The following STPG2 variants were observed in gnomAD, a reference collection of about 807,000 sequenced individuals.
STPG2 encodes the protein sperm tail PG-rich repeat containing 2, also known as sperm-tail PG-rich repeat-containing protein 2.
Under a neutral mutation model 54.2 loss-of-function variants are expected in STPG2, and 56 were observed. The ratio of observed to expected loss-of-function variants is 1.03; its 90% confidence interval spans 0.83 to 1.29. STPG2 has a LOEUF of 1.29. STPG2 is among the 50% of genes most tolerant of loss of function. The pLI is 0.00. For synonymous variants in STPG2, 200 were observed against 181.8 expected, an observed-to-expected ratio of 1.10 and a Z score of -0.81; for missense variants, 596 against 544.9, an observed-to-expected ratio of 1.09 and a Z score of -0.93.
At chr4:98,011,072 C>T (rs1204152855) in intron 5 of STPG2, among the ~76,000 whole-genome samples, 2 of 151,972 alleles carry the variant, frequency 1.3e-5, no homozygotes, top group Non-Finnish European at 2.9e-5. Flanking sequence ...TAAAGCCCCA[C>T]ATGCATTAGC....
At chr4:98,084,062 C>A (rs1487354477) in intron 5 of STPG2, among the ~76,000 whole-genome samples, 1 of 152,082 alleles carries the variant, frequency 6.6e-6, no homozygotes, top group Non-Finnish European at 1.5e-5. Context: ...GAGGCCAGGT[C>A]TTGAACTCCT....
chr4:97,577,272 G>A (rs1158581429), intron 10 of STPG2, among the ~76,000 whole-genome samples: 2 of 152,114 alleles, frequency 1.3e-5, no homozygotes, highest in East Asian at 3.8e-4. Flanking sequence ...ATAATTCTAT[G>A]AAAAGGACAC....
At chr4:97,863,196 C>T (rs1729626298) in intron 8 of STPG2, among the ~76,000 whole-genome samples, 1 of 152,086 alleles carries the variant, frequency 6.6e-6, no homozygotes, top group Non-Finnish European at 1.5e-5. Flanking sequence ...TGATAGACCG[C>T]TAGCAAGACT....
At chr4:97,459,451 T>C (rs1231159638) in intron 4 of STPG2, among the ~76,000 whole-genome samples, 4 of 149,344 alleles carry the variant, frequency 2.7e-5, no homozygotes, top group Non-Finnish European at 5.9e-5. Context: ...TTTTTTTTTT[T>C]TTTTTTGAGA....
intron 5 of STPG2, among the ~76,000 whole-genome samples, chr4:98,092,140 A>G (rs783946): frequency 0.86 from 130,701 of 152,034 alleles, 56,322 homozygotes; most frequent in Middle Eastern, 0.97. Flanking sequence ...ATAACTAAAT[A>G]TTTTCAATCT....
intron 9 of STPG2, among the ~76,000 whole-genome samples, chr4:97,742,559 G>A (rs113662605): frequency 0.43 from 57,275 of 132,388 alleles, 12,399 homozygotes; most frequent in Middle Eastern, 0.47. Context: ...GTGTGTGTGT[G>A]TGTGTGTCTA....
At chr4:97,940,779 T>A (rs1248996546) in intron 8 of STPG2, among the ~76,000 whole-genome samples, 1 of 152,162 alleles carries the variant, frequency 6.6e-6, no homozygotes, top group Non-Finnish European at 1.5e-5. Context: ...CAGAGCCAAG[T>A]AGTGTGGCCA....
At chr4:97,916,703 T>A (rs1246371958) in intron 8 of STPG2, 1 of 153,028 alleles carries the variant, frequency 6.5e-6, no homozygotes, top group Admixed American at 6.5e-5. Flanking sequence ...GCCACATTCA[T>A]CCCACCCTTG....
intron 4 of STPG2, among the ~76,000 whole-genome samples, chr4:97,483,620 G>T (rs1043364469): frequency 2.6e-5 from 4 of 151,454 alleles, no homozygotes; most frequent in Admixed American, 6.6e-5. Context: ...CAACACAATA[G>T]TAGTGGGGGA....
intron 9 of STPG2, among the ~76,000 whole-genome samples, chr4:97,756,148 T>C (rs776764145): frequency 5.3e-5 from 8 of 152,180 alleles, no homozygotes; most frequent in Non-Finnish European, 1.2e-4. Flanking sequence ...CAAATTTTTC[T>C]ACTTGTTGAA....
At chr4:97,649,502 A>T (rs1189939313) in intron 10 of STPG2, among the ~76,000 whole-genome samples, 1 of 152,122 alleles carries the variant, frequency 6.6e-6, no homozygotes, top group East Asian at 1.9e-4. Flanking sequence ...GAGATATATT[A>T]TCAAAGTTGG....
At chr4:98,027,314 A>G (rs1287131449) in intron 5 of STPG2, among the ~76,000 whole-genome samples, 1 of 152,180 alleles carries the variant, frequency 6.6e-6, no homozygotes, top group Admixed American at 6.5e-5. Context: ...CTACCACAGT[A>G]AGCAGTCTAG....
At chr4:97,633,230 G>C (rs1158052789) in intron 10 of STPG2, among the ~76,000 whole-genome samples, 1 of 151,950 alleles carries the variant, frequency 6.6e-6, no homozygotes, top group East Asian at 1.9e-4. Flanking sequence ...GCTTCTAAGT[G>C]TCAAATACAA....
chr4:97,883,821 G>C (rs955140335), intron 8 of STPG2, among the ~76,000 whole-genome samples: 8 of 152,198 alleles, frequency 5.3e-5, no homozygotes, highest in Non-Finnish European at 7.4e-5. Context: ...GAGAAAGAAG[G>C]CTTCTCGTCA....
chr4:97,920,852 C>T (rs947079742), intron 8 of STPG2, among the ~76,000 whole-genome samples: 1 of 152,004 alleles, frequency 6.6e-6, no homozygotes, highest in African/African-American at 2.4e-5. Flanking sequence ...TCCTCTTATC[C>T]CTCCTTTTTT....
At chr4:97,834,399 C>A (rs964594126) in intron 9 of STPG2, among the ~76,000 whole-genome samples, 1 of 151,950 alleles carries the variant, frequency 6.6e-6, no homozygotes, top group African/African-American at 2.4e-5. Context: ...AGGAGAAATA[C>A]CTAATGTAGA....
chr4:97,518,081 T>C (rs571793551), intron 4 of STPG2, among the ~76,000 whole-genome samples: 88 of 152,100 alleles, frequency 5.8e-4, no homozygotes, highest in Admixed American at 9.8e-4. Flanking sequence ...ATTAGTAGCT[T>C]TTAAGACTGC....
intron 4 of STPG2, among the ~76,000 whole-genome samples, chr4:97,486,799 A>G (rs1207163254): frequency 7.1e-6 from 1 of 141,186 alleles, no homozygotes; most frequent in Non-Finnish European, 1.5e-5. Flanking sequence ...GGATAAAGAA[A>G]CTGTGGTGTG....
At chr4:98,097,808 C>T (rs1029242153) in intron 5 of STPG2, among the ~76,000 whole-genome samples, 2 of 151,986 alleles carry the variant, frequency 1.3e-5, no homozygotes, top group African/African-American at 2.4e-5. Context: ...AAATCAGTAG[C>T]GTTTCTATAT....
Sources: allele counts gnomAD v4.1 joint callset (sites outside exome capture counted in the v4.1 genomes callset), GRCh38; gene constraint gnomAD v4.1.1; transcripts MANE v1.5; gene names NCBI Gene and HGNC (gene_info 2026-07-23, HGNC 2026-07-21).